AHNAK: variants seen among roughly 807,000 people sequenced by gnomAD.
AHNAK encodes neuroblast differentiation-associated protein AHNAK.
Under a neutral mutation model 37.8 loss-of-function variants are expected in AHNAK, and 23 were observed. That is an observed-to-expected ratio of 0.61 (90% confidence interval 0.44 to 0.86). The LOEUF is 0.86. AHNAK is among the 40% of genes least tolerant of loss of function. The pLI, the probability that AHNAK is intolerant of heterozygous loss-of-function variation, is 0.00. For synonymous variants in AHNAK, 2,481 were observed against 2,636.3 expected (o/e 0.94, Z 1.80); for missense variants, 7,411 against 7,319.4 (o/e 1.01, Z -0.46).
chr11:62,449,983 A>G (rs1938499740), intron 5 of AHNAK, among the ~76,000 whole-genome samples: 1 of 152,134 alleles, frequency 6.6e-6, no homozygotes, highest in South Asian at 2.1e-4. Flanking sequence ...AGTGGTTCAC[A>G]TCTGTAATCC....
intron 5 of AHNAK, among the ~76,000 whole-genome samples, chr11:62,440,852 T>C (rs1938291628): frequency 6.6e-6 from 1 of 152,198 alleles, no homozygotes; most frequent in African/African-American, 2.4e-5. Context: ...TGCCAGACAC[T>C]ATTTCTAAAC....
rs1940931623 is a variant in AHNAK, at chr11:62,535,935, G to T, written c.154+10C>A. 6.2e-7 allele frequency: 1 copy of T among 1,606,962 alleles called. No individual in the cohort carries two copies. On this transcript the variant is annotated intron_variant, in intron 3 of 4. Coordinates refer to ENST00000378024, the MANE Select transcript of AHNAK (RefSeq NM_001620.3). ...CACCAGCACCCAGTCCACACCCTGG[G>T]GTGACTCACCCTCCTTGACCACCCC...
chr11:62,529,566 G>A lies in AHNAK; in HGVS notation c.4851C>T (p.Ala1617=). 1 of 1,613,994 alleles carries A rather than the reference G, an allele frequency of 6.2e-7. No individual in the cohort carries two copies. The part of the protein sequence containing the change: ...DLKGPEIDVK[A]PKMDVNVGDI... The stretch of plus-strand genomic sequence containing the variant: ...CACCAACATTCACATCCATCTTAGG[G>A]GCTTTCACATCAATTTCAGGACCCT... Residue 1617 remains alanine (A), a synonymous_variant, in exon 5 of 5, where the codon GCC becomes GCT. Transcript: ENST00000378024.
In AHNAK at chr11:62,529,525, C is replaced by T. The variant is rs767805372; in HGVS notation, c.4892G>A (p.Gly1631Asp). ...DVNVGDIDIE[G>D]PEGKLKGPKF... ...GGGGCCCTTCAACTTCCCTTCTGGACCTTCAATATCAATATCACCAACATT... is the reference window on the plus strand; with the variant it reads ...GGGGCCCTTCAACTTCCCTTCTGGATCTTCAATATCAATATCACCAACATT... The change falls in exon 5 of 5, where the codon GGT (glycine) becomes GAT (aspartate). Residue 1631 changes from glycine to aspartate, a missense_variant. Coordinates refer to ENST00000378024, the MANE Select transcript of AHNAK (RefSeq NM_001620.3). 1.2e-6 allele frequency: 2 copies of T among 1,614,116 alleles called. No homozygotes were observed.
downstream of AHNAK, among the ~76,000 whole-genome samples, chr11:62,512,868 AAGGGAGGG>A (rs541728955): frequency 1.0e-4 from 13 of 128,484 alleles, no homozygotes; most frequent in African/African-American, 2.1e-4. This position sits in a 1 kb window ranked among gnomAD's most constrained non-coding sequence, Gnocchi z 4.0. Context: ...AGAAGGAAGG[AAGGGAGGG>A]AGGGAGGGAG....
chr11:62,452,637 C>CCAGAT (rs1938565631), intron 5 of AHNAK, among the ~76,000 whole-genome samples: 1 of 152,070 alleles, frequency 6.6e-6, no homozygotes, highest in South Asian at 2.1e-4. Context: ...TAGGGATGAC[C>CCAGAT]CAGATTGATG....
intron 5 of AHNAK, among the ~76,000 whole-genome samples, chr11:62,434,553 C>T (rs1418764801): frequency 6.6e-6 from 1 of 152,204 alleles, no homozygotes; most frequent in African/African-American, 2.4e-5. Flanking sequence ...TCACCTCCCA[C>T]GTGGGCCTGC....
In AHNAK at chr11:62,535,110, GC is replaced by G; in HGVS notation, c.234del (p.His79ThrfsTer6). 6.2e-7 allele frequency: 1 copy of G among 1,614,014 alleles called. No individual in the cohort carries two copies. The highest frequency in any genetic ancestry group is 1.1e-5 in the South Asian group (1 of 91,076). ...TGCAGCTTCAGGCCCACCGTGTGGT[GC>G]CCCATGGTGTTCAGCAGCTGGGTCA... is the stretch of plus-strand genomic sequence containing the variant. ...GEVTQLLNTMGHHTVGLKLHR... is the reference protein window; with the variant it reads ...GEVTQLLNTMXHHTVGLKLHR... On this transcript the variant is annotated frameshift_variant, in exon 4 of 5. Coordinates refer to ENST00000378024, the MANE Select transcript of AHNAK (RefSeq NM_001620.3). LOFTEE classifies it high-confidence loss of function.
At position 62,518,662 on chromosome 11, in the gene AHNAK, C is replaced by A. The variant is rs1326606761; in HGVS notation, c.15755G>T (p.Gly5252Val). 1.2e-6 allele frequency: 2 copies of A among 1,614,114 alleles called. No individual in the cohort carries two copies. The highest frequency in any genetic ancestry group is 1.1e-5 in the South Asian group (1 of 91,054). ...GGGTAGCTGGGCATGGACCTCGGCT[C>A]CCCCACCCTCCATTTTCACACCTGG... The part of the protein sequence containing the change: ...GIPGVKMEGG[G>V]AEVHAQLPSL... The change falls in exon 5 of 5, where the codon GGA becomes GTA. Residue 5252 changes from glycine (G) to valine (V), a missense_variant. Physicochemically the swap from Gly to Val is moderately radical, Grantham distance 109. Transcript: ENST00000378024.
At chr11:62,486,357 C>A (rs980951857) in intron 5 of AHNAK, among the ~76,000 whole-genome samples, 3 of 152,042 alleles carry the variant, frequency 2.0e-5, no homozygotes, top group African/African-American at 4.8e-5. Flanking sequence ...CCTGTAATCC[C>A]AGCTACTTGG....
In AHNAK at chr11:62,522,935, G is replaced by A. The variant is rs2134207869; in HGVS notation, c.11482C>T (p.Leu3828=). 1 of 1,612,934 alleles carries A rather than the reference G, an allele frequency of 6.2e-7. No individual in the cohort carries two copies. The highest frequency in any genetic ancestry group is 8.5e-7 in the Non-Finnish European group (1 of 1,179,794). ...GAGACATCAAGGTCAGCCTTGGGCA[G>A]GTTCACATCCACATCTGGGCCCTCT... ...KGEGPDVDVN[L]PKADLDVSGP... is the part of the protein sequence containing the mutation. Residue 3828 remains leucine, a synonymous_variant, in exon 5 of 5, where the codon CTG becomes TTG. Transcript: ENST00000378024.
At chr11:62,498,023 C>G (rs532695538) in intron 4 of AHNAK, among the ~76,000 whole-genome samples, 59 of 151,804 alleles carry the variant, frequency 3.9e-4, no homozygotes, top group Non-Finnish European at 7.2e-4. Context: ...GAGGAATTGT[C>G]AAATATGCAA....
intron 4 of AHNAK, among the ~76,000 whole-genome samples, chr11:62,504,086 A>T (rs1403704803): frequency 2.0e-5 from 3 of 151,968 alleles, no homozygotes; most frequent in Non-Finnish European, 4.4e-5. Context: ...GCTTGAACTC[A>T]GGAGGTGGAG....
Position 62,524,247 on chromosome 11 carries a change from A to G in AHNAK, c.10170T>C (p.Pro3390=). The change falls in exon 5 of 5, where the codon CCT becomes CCC. Residue 3390 remains proline, a synonymous_variant. Transcript: ENST00000378024. ...ITGPKVDINA[P]DVEVQGKVKG... ...TCACTTTTCCTTGGACCTCGACATC[A>G]GGAGCATTAATATCAACTTTTGGAC... The G allele has an allele frequency of 1.2e-6, 2 of 1,613,358 alleles. No individual in the cohort carries two copies. Among genetic ancestry groups the G allele is most frequent in the South Asian group, 2.2e-5 (2 of 90,816 alleles).
downstream of AHNAK, chr11:62,515,761 A>G (rs956826695): frequency 4.2e-6 from 2 of 474,324 alleles, no homozygotes; most frequent in African/African-American, 4.2e-5. Flanking sequence ...TTCTCCCACT[A>G]CCTCCCGAAG....
At chr11:62,470,066 A>G (rs1330593602) in intron 5 of AHNAK, among the ~76,000 whole-genome samples, 1 of 152,136 alleles carries the variant, frequency 6.6e-6, no homozygotes, top group East Asian at 1.9e-4. Context: ...GCACTTTGGG[A>G]GGCCAAGGTG....
At position 62,475,886 on chromosome 11, in the gene AHNAK, T is replaced by C. The variant is rs541947547; in HGVS notation, c.442+15846A>G. On this transcript the variant is annotated intron_variant, in intron 5 of 5. Coordinates refer to the AHNAK transcript ENST00000257247. ...TCCCAAAGTGCTGGGATTACAGGTG[T>C]GAGCCACCGCCCCCGGCTATATATC... 5.9e-5 allele frequency among the ~76,000 whole-genome samples: 9 copies of C among 152,292 alleles called. No individual in the cohort carries two copies. The East Asian group carries it at 1.7e-3, about 29-fold the overall frequency.
At chr11:62,471,943 C>T (rs1448337231) in intron 5 of AHNAK, among the ~76,000 whole-genome samples, 1 of 152,138 alleles carries the variant, frequency 6.6e-6, no homozygotes, top group Non-Finnish European at 1.5e-5. Flanking sequence ...GAAGGCCCAT[C>T]TGCCCAATCC....
intron 5 of AHNAK, among the ~76,000 whole-genome samples, chr11:62,467,554 G>A (rs900176616): frequency 2.6e-5 from 4 of 152,138 alleles, no homozygotes; most frequent in East Asian, 1.9e-4. Flanking sequence ...GCATGGTAGC[G>A]CGCGCCTGTA....
Sources: gnomAD v4.1 joint callset for allele counts (sites outside exome capture counted in the v4.1 genomes callset) on GRCh38, gnomAD v4.1.1 for gene constraint, Gnocchi (gnomAD v3.1) non-coding constraint, MANE v1.5 for transcripts, NCBI Gene and HGNC (gene_info 2026-07-23, HGNC 2026-07-21) for gene names.